Variants in CFAP418 observed in about 807,000 individuals in gnomAD.
CFAP418 encodes the protein cilia and flagella associated protein 418.
A neutral mutation model predicts 24.7 loss-of-function variants in CFAP418; 27 were observed. The observed-to-expected ratio is 1.09, with a 90% CI of 0.81 to 1.51. The LOEUF (loss-of-function observed/expected upper bound fraction) is 1.51. Among genes scored for constraint, CFAP418 ranks in the 40% most tolerant of loss-of-function variants. CFAP418 has a pLI of 0.00. For missense variants in CFAP418, 257 were observed against 255.2 expected (o/e 1.01, Z -0.05); for synonymous variants, 74 against 87.3 (o/e 0.85, Z 0.85).
At chr8:95,257,804 T>C (rs1811815124) in intron 4 of CFAP418, among the ~76,000 whole-genome samples, 3 of 152,208 alleles carry the variant, frequency 2.0e-5, no homozygotes, top group Admixed American at 1.3e-4. Context: ...GTTCATACTT[T>C]TACTATGCTA....
intron 1 of CFAP418, among the ~76,000 whole-genome samples, chr8:95,268,618 G>A (rs1372066325): frequency 6.6e-6 from 1 of 152,022 alleles, no homozygotes; most frequent in African/African-American, 2.4e-5. Context: ...GGCAAAATGC[G>A]GCCGAGGTCA....
In CFAP418 at chr8:95,268,556, GCTGT is replaced by G. The variant is rs555447954; in HGVS notation, c.155+475_155+478del. 3.9e-3 allele frequency among the ~76,000 whole-genome samples: 587 copies of G among 152,106 alleles called. 3 individuals are homozygous for G. The highest frequency in any genetic ancestry group is 0.013 in the African/African-American group (538 of 41,518). On this transcript the variant is annotated intron_variant, in intron 1 of 5. Coordinates refer to ENST00000286688, the MANE Select transcript of CFAP418 (RefSeq NM_177965.4). ...GTGGGGTCTGAGGCAATGGGATGAG[GCTGT>G]CTAACAGGGCACCTCACAGGGAGAT...
intron 2 of CFAP418, among the ~76,000 whole-genome samples, chr8:95,262,058 A>G (rs1397735329): frequency 6.6e-6 from 1 of 152,212 alleles, no homozygotes; most frequent in Non-Finnish European, 1.5e-5. Context: ...AAGTCCACTT[A>G]TATGTGGAAT....
At chr8:95,259,068 A>T (rs1460978808) in intron 4 of CFAP418, among the ~76,000 whole-genome samples, 3 of 152,244 alleles carry the variant, frequency 2.0e-5, no homozygotes, top group Non-Finnish European at 4.4e-5. Flanking sequence ...AATGTGGTCA[A>T]CATGCAATCA....
chr8:95,257,692 G>C (rs746644266), intron 4 of CFAP418, among the ~76,000 whole-genome samples: 1 of 152,112 alleles, frequency 6.6e-6, no homozygotes, highest in Non-Finnish European at 1.5e-5. Flanking sequence ...TTGTGGTGAC[G>C]CTGATGTAAA....
At chr8:95,258,613 A>G (rs1811834445) in intron 4 of CFAP418, among the ~76,000 whole-genome samples, 1 of 152,166 alleles carries the variant, frequency 6.6e-6, no homozygotes, top group African/African-American at 2.4e-5. Context: ...CCTAAGCTAC[A>G]GTGTTTATAA....
chr8:95,255,322 C>T (rs1283768583), intron 4 of CFAP418, among the ~76,000 whole-genome samples: 1 of 151,666 alleles, frequency 6.6e-6, no homozygotes, highest in Non-Finnish European at 1.5e-5. Context: ...CTCTCTGTTC[C>T]TTCCACCAGA....
intron 1 of CFAP418, among the ~76,000 whole-genome samples, chr8:95,266,906 T>C (rs1811992359): frequency 6.6e-6 from 1 of 152,176 alleles, no homozygotes; most frequent in Admixed American, 6.5e-5. Context: ...AAATAGTCCT[T>C]TCCATTTTGA....
chr8:95,251,218 A>G (rs1458934272), intron 5 of CFAP418, among the ~76,000 whole-genome samples: 2 of 152,242 alleles, frequency 1.3e-5, no homozygotes, highest in African/African-American at 4.8e-5. Context: ...TAATAGGTCC[A>G]AAGCACCGTG....
rs57794224 is a variant in CFAP418, at chr8:95,250,568, T to C, written c.470+1620A>G. Among the ~76,000 whole-genome samples, 958 of 152,366 alleles carry C rather than the reference T, an allele frequency of 6.3e-3. 8 individuals are homozygous for C. The highest frequency in any genetic ancestry group is 0.021 in the African/African-American group (880 of 41,584). ...TCATCTTGGTGACATATGGGGATTA[T>C]TAACCACTTATTAGATTAACTAGTA... On this transcript the variant is annotated intron_variant, in intron 5 of 5. Coordinates refer to ENST00000286688, the MANE Select transcript of CFAP418 (RefSeq NM_177965.4).
intron 5 of CFAP418, among the ~76,000 whole-genome samples, chr8:95,250,274 A>G (rs188145941): frequency 1.3e-5 from 2 of 152,308 alleles, no homozygotes; most frequent in Non-Finnish European, 2.9e-5. Context: ...AGTATTTTCT[A>G]CTGATTTAAA....
chr8:95,247,379 GA>G lies in CFAP418; in HGVS notation c.*237del. ...ATTAAACAGAAGACAGATTAGTAAA[GA>G]ATGTAGATGCCTGTTACTAAGTGAA... On this transcript the variant is annotated 3_prime_UTR_variant, in exon 6 of 6. Transcript: ENST00000286688. 2.0e-6 allele frequency: 1 copy of G among 504,240 alleles called. No homozygotes were observed. Among genetic ancestry groups the G allele is most frequent in the Non-Finnish European group, 3.5e-6 (1 of 284,468 alleles). 31.2% of individuals were successfully genotyped at this position (504,240 alleles called of 1,614,324 possible).
chr8:95,257,737 T>C (rs1232028855), intron 4 of CFAP418, among the ~76,000 whole-genome samples: 2 of 152,202 alleles, frequency 1.3e-5, no homozygotes, highest in African/African-American at 4.8e-5. Flanking sequence ...ATAAAAGTAG[T>C]GCATACAGTT....
chr8:95,253,247 T>C (rs140034758), intron 4 of CFAP418, among the ~76,000 whole-genome samples: 3 of 151,748 alleles, frequency 2.0e-5, no homozygotes, highest in Non-Finnish European at 2.9e-5. Flanking sequence ...GAGGCGGAGA[T>C]TGCAGTGAGG....
chr8:95,253,018 G>A (rs1396700676), intron 4 of CFAP418, among the ~76,000 whole-genome samples: 1 of 152,172 alleles, frequency 6.6e-6, no homozygotes, highest in Non-Finnish European at 1.5e-5. Flanking sequence ...ATAAGAACAT[G>A]GAGCAAAATG....
chr8:95,264,440 G>A (rs960434482), intron 1 of CFAP418, among the ~76,000 whole-genome samples: 14 of 152,218 alleles, frequency 9.2e-5, no homozygotes, highest in South Asian at 2.1e-4. Context: ...ATTGTCCTTA[G>A]TCTTTACATG....
chr8:95,257,139 C>T (rs970696452), intron 4 of CFAP418, among the ~76,000 whole-genome samples: 7 of 152,078 alleles, frequency 4.6e-5, no homozygotes, highest in Non-Finnish European at 5.9e-5. Context: ...GCTGCTGTGG[C>T]TCATGGGTGA....
chr8:95,262,162 G>C (rs1811904404), intron 2 of CFAP418, among the ~76,000 whole-genome samples: 1 of 152,196 alleles, frequency 6.6e-6, no homozygotes, highest in Admixed American at 6.5e-5. Flanking sequence ...GGTTCTGTAA[G>C]GCTGACTGTG....
chr8:95,260,533 C>A lies in CFAP418; in HGVS notation c.244-1G>T. The A allele has an allele frequency of 6.3e-7, 1 of 1,576,456 alleles. No individual in the cohort carries two copies. Among genetic ancestry groups the A allele is most frequent in the African/African-American group, 1.4e-5 (1 of 72,336 alleles). On this transcript the variant is annotated splice_acceptor_variant, in intron 2 of 5. Transcript: ENST00000286688. LOFTEE classifies it high-confidence loss of function. The stretch of plus-strand genomic sequence containing the variant: ...TACCTGAAGATTTAGATTTTAATTT[C>A]TGTTAAAAAAGCAAAACAATAAAAG...
Sources: allele counts gnomAD v4.1 joint callset (sites outside exome capture counted in the v4.1 genomes callset), GRCh38; gene constraint gnomAD v4.1.1; transcripts MANE v1.5; gene names NCBI Gene and HGNC (gene_info 2026-07-23, HGNC 2026-07-21).